DACH2: variants seen among roughly 807,000 people sequenced by gnomAD.
The protein encoded by DACH2 is dachshund family transcription factor 2.
In DACH2, 17 loss-of-function variants were observed where a neutral mutation model predicts 35.8. The ratio of observed to expected loss-of-function variants is 0.48; its 90% CI spans 0.33 to 0.71. The LOEUF (loss-of-function observed/expected upper bound fraction) is 0.71, where lower values mean the gene tolerates loss of function less well. Ranked by LOEUF, DACH2 falls within the 30% of genes least tolerant of loss-of-function variation. DACH2 has a pLI of 0.02. For missense variants in DACH2, 469 were observed against 472.7 expected (o/e 0.99, Z 0.07); for synonymous variants, 195 against 177.3 (o/e 1.10, Z -0.79).
At chrX:86,398,225 G>A (rs1363906381) in intron 2 of DACH2, among the ~76,000 whole-genome samples, 5 of 111,780 alleles carry the variant, frequency 4.5e-5, no homozygotes, top group Admixed American at 9.5e-5. Flanking sequence ...CTGTGGGATC[G>A]GTGGTGATAT....
At chrX:86,489,712 T>C (rs1275347521) in intron 2 of DACH2, among the ~76,000 whole-genome samples, 1 of 111,838 alleles carries the variant, frequency 8.9e-6, no homozygotes, top group East Asian at 2.8e-4. Context: ...TAAACCGCGT[T>C]CACTGTCACT....
chrX:86,496,785 G>A (rs192473965), intron 2 of DACH2, among the ~76,000 whole-genome samples: 70 of 110,571 alleles, frequency 6.3e-4, no homozygotes, highest in African/African-American at 2.2e-3. Flanking sequence ...GCTTGAAAGA[G>A]CTAGGAAAGG....
rs141295595 is a variant in DACH2, at chrX:86,226,557, G to C, written c.488+77449G>C. Among the ~76,000 whole-genome samples the C allele has an allele frequency of 2.9e-4, 32 of 111,808 alleles. No individual in the cohort carries two copies. In the East Asian group the frequency reaches 8.1e-3, roughly 28 times the overall value. ...CTTATGGAAGTAACTAGAGATTAAA[G>C]TCTCCATCTAGAGTTGCATTACTTT... On this transcript the variant is annotated intron_variant, in intron 1 of 11. Transcript: ENST00000373125.
chrX:86,203,075 A>G (rs1353993094), intron 1 of DACH2, among the ~76,000 whole-genome samples: 3 of 111,473 alleles, frequency 2.7e-5, no homozygotes, highest in Non-Finnish European at 5.7e-5. Flanking sequence ...CTCTAAGGGC[A>G]AGAAAACAAT....
intron 7 of DACH2, among the ~76,000 whole-genome samples, chrX:86,796,952 C>T (rs1470773148): frequency 9.0e-6 from 1 of 110,774 alleles, no homozygotes; most frequent in African/African-American, 3.3e-5. Context: ...ATAAATAAGG[C>T]ATAGTAATAA....
chrX:86,463,139 G>A (rs975096519), intron 2 of DACH2, among the ~76,000 whole-genome samples: 6 of 110,299 alleles, frequency 5.4e-5, no homozygotes, highest in Non-Finnish European at 1.1e-4. Context: ...GTTAATTATT[G>A]TACTTTGAGA....
intron 7 of DACH2, among the ~76,000 whole-genome samples, chrX:86,792,745 T>C (rs774432881): frequency 8.0e-5 from 9 of 112,123 alleles, no homozygotes; most frequent in African/African-American, 2.9e-4. Flanking sequence ...ATTGTGTATA[T>C]ATAACACATT....
At chrX:86,799,135 G>T in intron 7 of DACH2, 1 of 324,923 alleles carries the variant, frequency 3.1e-6, no homozygotes, top group South Asian at 3.2e-5. Flanking sequence ...GGGTGCAGCA[G>T]TTCCTCCAAG....
At chrX:86,187,434 T>C (rs904388097) in intron 1 of DACH2, among the ~76,000 whole-genome samples, 7 of 107,489 alleles carry the variant, frequency 6.5e-5, no homozygotes, top group African/African-American at 1.0e-4. Flanking sequence ...TTTTTTTTTT[T>C]CGAGATGGAG....
chrX:86,512,063 T>A (rs951058882), intron 2 of DACH2, among the ~76,000 whole-genome samples: 1 of 111,698 alleles, frequency 9.0e-6, no homozygotes, highest in African/African-American at 3.3e-5. Flanking sequence ...TTTTGCTGGA[T>A]CTTACTTTCT....
chrX:86,601,528 A>C, intron 3 of DACH2, among the ~76,000 whole-genome samples: 1 of 112,141 alleles, frequency 8.9e-6, no homozygotes. Flanking sequence ...ACCACTAGCC[A>C]CAAGTGGTTA....
intron 2 of DACH2, among the ~76,000 whole-genome samples, chrX:86,443,386 C>A (rs946226176): frequency 5.4e-5 from 6 of 111,503 alleles, no homozygotes; most frequent in African/African-American, 2.0e-4. Context: ...TGCAACTTTG[C>A]TGAAATCATT....
intron 7 of DACH2, among the ~76,000 whole-genome samples, chrX:86,783,901 G>T (rs1197641232): frequency 9.0e-6 from 1 of 110,923 alleles, no homozygotes; most frequent in Non-Finnish European, 1.9e-5. Flanking sequence ...AGTATAGATA[G>T]AAAGAATGAA....
At chrX:86,780,975 G>A (rs768412204) in intron 7 of DACH2, among the ~76,000 whole-genome samples, 2 of 111,414 alleles carry the variant, frequency 1.8e-5, no homozygotes, top group South Asian at 7.6e-4. Context: ...CACTACTGGG[G>A]ATGGGGAGGC....
At chrX:86,795,424 G>C (rs980284599) in intron 7 of DACH2, among the ~76,000 whole-genome samples, 1 of 109,250 alleles carries the variant, frequency 9.2e-6, no homozygotes, top group African/African-American at 3.3e-5. Flanking sequence ...TAGTAGAAAC[G>C]GGGTTTCACC....
rs975728695 is a variant in DACH2, at chrX:86,770,011, T to A, written c.1240+30129T>A. ...ACCCCTTCTCTATAAAAAAAATAAA[T>A]AAAAAATAAAAAAGATAAGAAAAAA... On this transcript the variant is annotated intron_variant, in intron 7 of 11. Coordinates refer to ENST00000373125, the MANE Select transcript of DACH2 (RefSeq NM_053281.3). 1.5e-4 allele frequency among the ~76,000 whole-genome samples: 16 copies of A among 104,170 alleles called. No individual in the cohort carries two copies. The South Asian group carries it at 2.1e-3, about 14-fold the overall frequency. The allele number at this position is 104,170 out of a possible 115,157, so 90.5% of individuals were successfully genotyped here.
chrX:86,250,015 A>G (rs1182219203), intron 1 of DACH2, among the ~76,000 whole-genome samples: 1 of 110,995 alleles, frequency 9.0e-6, no homozygotes, highest in East Asian at 2.8e-4. Flanking sequence ...ACATATGGAC[A>G]CAAAGAAGGA....
intron 3 of DACH2, among the ~76,000 whole-genome samples, chrX:86,633,152 G>T (rs2148389958): frequency 9.0e-6 from 1 of 110,703 alleles, no homozygotes; most frequent in South Asian, 3.8e-4. Flanking sequence ...AAATACAAAT[G>T]ATAAAGGAAA....
rs2035647962 is a variant in DACH2, at chrX:86,356,651, C to G, written c.489-20173C>G. Among the ~76,000 whole-genome samples, 3 of 111,182 alleles carry G rather than the reference C, an allele frequency of 2.7e-5. 1 individual carries two copies. The South Asian group carries it at 1.1e-3, about 42-fold the overall frequency. On this transcript the variant is annotated intron_variant, in intron 1 of 11. Transcript: ENST00000373125. ...TATGGCCATTTAAACAATATTGATT[C>G]TTCCTATCCATGAGCATGGAATCAC...
Sources: allele counts gnomAD v4.1 joint callset (sites outside exome capture counted in the v4.1 genomes callset), GRCh38; gene constraint gnomAD v4.1.1; transcripts MANE v1.5; gene names NCBI Gene and HGNC (gene_info 2026-07-23, HGNC 2026-07-21).